The following SGCZ variants were observed in gnomAD, a reference collection of about 807,000 sequenced individuals.
The protein encoded by SGCZ is zeta-sarcoglycan.
Under a neutral mutation model 41.3 loss-of-function variants are expected in SGCZ, and 40 were observed. The observed-to-expected ratio is 0.97, with a 90% CI of 0.75 to 1.26. The LOEUF is 1.26. Ranked by LOEUF, SGCZ falls within the 50% of genes most tolerant of loss-of-function variation. The pLI is 0.00. For synonymous variants in SGCZ, 206 were observed against 137.5 expected (o/e 1.50, Z -3.49); for missense variants, 552 against 369.8 (o/e 1.49, Z -4.04).
At chr8:15,080,002 C>T (rs2131042698) in intron 1 of SGCZ, among the ~76,000 whole-genome samples, 1 of 152,242 alleles carries the variant, frequency 6.6e-6, no homozygotes, top group Non-Finnish European at 1.5e-5. Flanking sequence ...ATTTCTGTTC[C>T]ATTTCTTCTC....
At chr8:14,579,052 T>C (rs1804803296) in intron 1 of SGCZ, among the ~76,000 whole-genome samples, 1 of 152,270 alleles carries the variant, frequency 6.6e-6, no homozygotes, top group South Asian at 2.1e-4. Flanking sequence ...AATATCATTA[T>C]TTGCACAAAG....
chr8:14,564,571 A>C (rs1804302240), intron 1 of SGCZ, among the ~76,000 whole-genome samples: 1 of 152,198 alleles, frequency 6.6e-6, no homozygotes, highest in Admixed American at 6.5e-5. Context: ...TACTCTTTTC[A>C]TTTTAACTAG....
intron 5 of SGCZ, among the ~76,000 whole-genome samples, chr8:14,108,658 G>T (rs1336093910): frequency 6.6e-6 from 1 of 152,070 alleles, no homozygotes; most frequent in Non-Finnish European, 1.5e-5. Flanking sequence ...GGGCATTATA[G>T]GAGTACAATT....
chr8:15,111,944 T>A (rs1240784237), intron 1 of SGCZ, among the ~76,000 whole-genome samples: 1 of 152,114 alleles, frequency 6.6e-6, no homozygotes, highest in East Asian at 1.9e-4. Context: ...CATTTCTTTA[T>A]TTCATTCCTT....
chr8:15,124,811 C>T (rs1807619246), intron 1 of SGCZ, among the ~76,000 whole-genome samples: 1 of 151,858 alleles, frequency 6.6e-6, no homozygotes, highest in African/African-American at 2.4e-5. Flanking sequence ...AATACCTAGG[C>T]AAAATAATAC....
At chr8:14,383,150 A>G (rs1425100494) in intron 2 of SGCZ, among the ~76,000 whole-genome samples, 1 of 152,202 alleles carries the variant, frequency 6.6e-6, no homozygotes, top group Non-Finnish European at 1.5e-5. Context: ...AGATATCAGA[A>G]GGCTATGCTA....
At chr8:14,626,744 A>G (rs1459644679) in intron 1 of SGCZ, among the ~76,000 whole-genome samples, 1 of 152,200 alleles carries the variant, frequency 6.6e-6, no homozygotes. Flanking sequence ...GCAGAAGCAT[A>G]AAAGAGATCC....
intron 1 of SGCZ, among the ~76,000 whole-genome samples, chr8:14,776,018 A>C (rs1238401432): frequency 6.6e-6 from 1 of 152,220 alleles, no homozygotes; most frequent in Non-Finnish European, 1.5e-5. Flanking sequence ...ACATGTACAA[A>C]CAATATCATT....
At chr8:14,574,646 T>C (rs1476905368) in intron 1 of SGCZ, among the ~76,000 whole-genome samples, 1 of 152,192 alleles carries the variant, frequency 6.6e-6, no homozygotes, top group Non-Finnish European at 1.5e-5. Context: ...AAAATCAGAA[T>C]ACTTACACTG....
At chr8:14,919,748 T>C (rs1799536950) in intron 1 of SGCZ, among the ~76,000 whole-genome samples, 1 of 152,042 alleles carries the variant, frequency 6.6e-6, no homozygotes. Context: ...TGAAACCCCA[T>C]CTCTGCTAAA....
At chr8:14,710,369 C>CAAA (rs770994264) in intron 1 of SGCZ, among the ~76,000 whole-genome samples, 169 of 92,148 alleles carry the variant, frequency 1.8e-3, no homozygotes, top group East Asian at 2.8e-3. Flanking sequence ...GACTCCGCAT[C>CAAA]AAAAAAAAAA....
chr8:14,519,844 T>C (rs2117097672), intron 2 of SGCZ, among the ~76,000 whole-genome samples: 1 of 152,286 alleles, frequency 6.6e-6, no homozygotes, highest in Admixed American at 6.5e-5. Context: ...ATACCACTGA[T>C]CGTGTTTTGT....
chr8:14,862,410 G>A (rs765368149), intron 1 of SGCZ, among the ~76,000 whole-genome samples: 11 of 151,562 alleles, frequency 7.3e-5, no homozygotes, highest in Admixed American at 2.6e-4. Context: ...TCATCTATGC[G>A]TTTAGTCACC....
At chr8:14,204,415 T>G (rs749219817) in intron 4 of SGCZ, among the ~76,000 whole-genome samples, 2 of 152,106 alleles carry the variant, frequency 1.3e-5, no homozygotes, top group Admixed American at 6.6e-5. Context: ...GCAGCTCAGG[T>G]CTACTATGGG....
At position 14,971,065 on chromosome 8, in the gene SGCZ, T is replaced by C. The variant is rs1348452907; in HGVS notation, c.39+266520A>G. On this transcript the variant is annotated intron_variant, in intron 1 of 7. Coordinates refer to ENST00000382080, the MANE Select transcript of SGCZ (RefSeq NM_139167.4). Reference sequence around the variant, plus strand: ...TTTGTGAAATATATTTTTCTTATTTTCAATTGCTTGTTGCTAGTTTATGAA... The same window carrying C: ...TTTGTGAAATATATTTTTCTTATTTCCAATTGCTTGTTGCTAGTTTATGAA... Among the ~76,000 whole-genome samples the C allele has an allele frequency of 3.3e-5, 5 of 152,216 alleles. No homozygotes were observed. The East Asian group carries it at 9.6e-4, about 29-fold the overall frequency.
At chr8:14,368,625 G>A (rs1428376505) in intron 2 of SGCZ, among the ~76,000 whole-genome samples, 1 of 151,844 alleles carries the variant, frequency 6.6e-6, no homozygotes, top group African/African-American at 2.4e-5. Context: ...AAGGCAGAGA[G>A]TTTTTTGAAA....
chr8:14,263,591 A>G (rs1333402087), intron 3 of SGCZ, among the ~76,000 whole-genome samples: 2 of 152,152 alleles, frequency 1.3e-5, no homozygotes, highest in Non-Finnish European at 2.9e-5. Flanking sequence ...GAATAAATAC[A>G]TAAATAAAAA....
At chr8:14,116,565 T>C (rs955525301) in intron 5 of SGCZ, among the ~76,000 whole-genome samples, 19 of 152,108 alleles carry the variant, frequency 1.2e-4, no homozygotes, top group African/African-American at 4.6e-4. Context: ...TAGTACGACA[T>C]GCATAGAGTC....
chr8:14,747,922 C>T (rs1399095508), intron 1 of SGCZ, among the ~76,000 whole-genome samples: 9 of 136,758 alleles, frequency 6.6e-5, no homozygotes, highest in African/African-American at 1.6e-4. Context: ...AACAGAGTTT[C>T]GCCATGTTGG....
Sources: allele counts gnomAD v4.1 joint callset (sites outside exome capture counted in the v4.1 genomes callset), GRCh38; gene constraint gnomAD v4.1.1; transcripts MANE v1.5; gene names NCBI Gene and HGNC (gene_info 2026-07-23, HGNC 2026-07-21).